Variants in NIPBL observed in about 807,000 individuals in gnomAD.
NIPBL encodes the protein nipped-B-like protein.
A neutral mutation model predicts 321.8 loss-of-function variants in NIPBL; 19 were observed. That is an observed-to-expected ratio of 0.06 (90% CI 0.04 to 0.09). The LOEUF is 0.09. Ranked by LOEUF, NIPBL falls within the 10% of genes least tolerant of loss-of-function variation. The probability of loss-of-function intolerance (pLI) is 1.00; values close to 1 mark genes in which losing one functional copy is unlikely to be tolerated. For missense variants in NIPBL, 2,210 were observed against 3,327.0 expected, an observed-to-expected ratio of 0.66 and a Z score of 8.26; for synonymous variants, 1,106 against 1,114.1, an observed-to-expected ratio of 0.99 and a Z score of 0.14.
intron 32 of NIPBL, among the ~76,000 whole-genome samples, chr5:37,034,692 T>G (rs1336100561): frequency 6.6e-6 from 1 of 152,158 alleles, no homozygotes; most frequent in East Asian, 1.9e-4. Flanking sequence ...CAGCTTATAC[T>G]TTTTTTAAAA....
chr5:37,051,598 C>A, intron 40 of NIPBL, 181 bp from the exon 41 acceptor site: 1 of 609,614 alleles, frequency 1.6e-6, no homozygotes, highest in East Asian at 2.8e-5. Context: ...CCAGTGCTTT[C>A]TGGATTTAAG....
At chr5:36,919,925 C>A (rs1748796432) in intron 1 of NIPBL, among the ~76,000 whole-genome samples, 1 of 151,934 alleles carries the variant, frequency 6.6e-6, no homozygotes, top group South Asian at 2.1e-4. Flanking sequence ...ATCTTTTAAA[C>A]TTGTTGTCAG....
intron 36 of NIPBL, 50 bp downstream of exon 36, chr5:37,044,779 G>C (rs1238032633): frequency 3.1e-6 from 4 of 1,294,410 alleles, no homozygotes; most frequent in Admixed American, 1.7e-5. Context: ...TCCTGCAGGG[G>C]GTCAGCTCAT....
chr5:37,038,877 A>C, intron 34 of NIPBL, 139 bp downstream of exon 34: 1 of 930,728 alleles, frequency 1.1e-6, no homozygotes, highest in Non-Finnish European at 1.6e-6. Context: ...ATTTGTAGCA[A>C]GTGATCTATA....
At chr5:37,000,745 A>C in intron 12 of NIPBL, 72 bp from the exon 13 acceptor site, 1 of 1,416,632 alleles carries the variant, frequency 7.1e-7, no homozygotes, top group Non-Finnish European at 9.9e-7. Context: ...TCAGGAAAAA[A>C]ACTAGAAACA....
intron 1 of NIPBL, among the ~76,000 whole-genome samples, chr5:36,939,899 T>G (rs1221416752): frequency 6.6e-6 from 1 of 152,160 alleles, no homozygotes; most frequent in Non-Finnish European, 1.5e-5. Flanking sequence ...GTCCCATCTC[T>G]CAACACTGTT....
At chr5:36,962,073 C>T (rs1741687953) in intron 5 of NIPBL, 50 bp from the exon 6 acceptor site, 5 of 1,592,992 alleles carry the variant, frequency 3.1e-6, no homozygotes, top group South Asian at 1.1e-5. Flanking sequence ...CAAGGAATAG[C>T]GTGTTTATTT....
At chr5:37,042,967 GGATA>G (rs1286527452) in intron 34 of NIPBL, among the ~76,000 whole-genome samples, 1 of 151,858 alleles carries the variant, frequency 6.6e-6, no homozygotes, top group Non-Finnish European at 1.5e-5. Flanking sequence ...GGTGGCTGGA[GGATA>G]GATAGAAACA....
intron 1 of NIPBL, among the ~76,000 whole-genome samples, chr5:36,904,284 C>T (rs1441513587): frequency 6.6e-6 from 1 of 152,216 alleles, no homozygotes; most frequent in Non-Finnish European, 1.5e-5. Flanking sequence ...GCCTGGCCAA[C>T]GTGGTGAAAC....
At chr5:36,964,336 C>G (rs1200992758) in intron 6 of NIPBL, among the ~76,000 whole-genome samples, 12 of 152,008 alleles carry the variant, frequency 7.9e-5, no homozygotes, top group Admixed American at 5.2e-4. Flanking sequence ...ATCACACTAC[C>G]TGACTTAAAA....
At chr5:37,055,797 G>C (rs1754025242) in intron 42 of NIPBL, among the ~76,000 whole-genome samples, 1 of 152,058 alleles carries the variant, frequency 6.6e-6, no homozygotes, top group Non-Finnish European at 1.5e-5. Context: ...CTTGAGCCCA[G>C]GAGTTCCATA....
Position 37,065,226 on chromosome 5 carries a change from G to T in NIPBL, c.*334G>T. The stretch of plus-strand genomic sequence containing the variant: ...TAATGTTCTTAATAAAGTGTTCTTG[G>T]AGTTTAACCTAGCAGCGGATGGCTT... On this transcript the variant is annotated 3_prime_UTR_variant, in exon 47 of 47. Coordinates refer to ENST00000282516, the MANE Select transcript of NIPBL (RefSeq NM_133433.4). The T allele has an allele frequency of 3.4e-6, 1 of 297,936 alleles. No homozygotes were observed. The highest frequency in any genetic ancestry group is 6.4e-6 in the Non-Finnish European group (1 of 156,336). 18.5% of individuals were successfully genotyped at this position (297,936 alleles called of 1,614,324 possible).
chr5:36,920,776 A>T (rs750618998), intron 1 of NIPBL, among the ~76,000 whole-genome samples: 18 of 151,418 alleles, frequency 1.2e-4, no homozygotes, highest in Non-Finnish European at 2.1e-4. Context: ...TTTATGTGGC[A>T]TCTTTAACCT....
chr5:36,999,941 CTT>C (rs1561136893), intron 11 of NIPBL, among the ~76,000 whole-genome samples: 1 of 152,146 alleles, frequency 6.6e-6, no homozygotes, highest in Non-Finnish European at 1.5e-5. Flanking sequence ...CAAAAGTTGA[CTT>C]TTCCTCCAAA....
At chr5:37,041,252 GTTT>G (rs1163179336) in intron 34 of NIPBL, among the ~76,000 whole-genome samples, 1 of 64,004 alleles carries the variant, frequency 1.6e-5, no homozygotes, top group South Asian at 4.9e-4. Context: ...TTATGTGGTG[GTTT>G]TTTTTTTTTT....
chr5:36,921,101 G>T (rs138594537), intron 1 of NIPBL, among the ~76,000 whole-genome samples: 3,729 of 150,526 alleles, frequency 0.025, 73 homozygotes, highest in Non-Finnish European at 0.035. Flanking sequence ...ATTTTTAAGC[G>T]TCTCCCCATT....
chr5:36,954,867 C>T (rs1740766527), intron 2 of NIPBL: 1 of 152,718 alleles, frequency 6.5e-6, no homozygotes, highest in African/African-American at 2.4e-5. Flanking sequence ...GATTAAACGG[C>T]TGAATTTAAG....
intron 1 of NIPBL, among the ~76,000 whole-genome samples, chr5:36,892,658 A>C (rs1310225821): frequency 6.6e-6 from 1 of 152,136 alleles, no homozygotes; most frequent in African/African-American, 2.4e-5. Flanking sequence ...TGAAGCTGGA[A>C]ACCATCATTC....
At chr5:36,942,653 A>G (rs1053496202) in intron 1 of NIPBL, among the ~76,000 whole-genome samples, 1 of 150,892 alleles carries the variant, frequency 6.6e-6, no homozygotes, top group Admixed American at 6.6e-5. Flanking sequence ...AGGCACGAGA[A>G]TCACATGAAC....
Sources: allele counts gnomAD v4.1 joint callset (sites outside exome capture counted in the v4.1 genomes callset), GRCh38; gene constraint gnomAD v4.1.1; transcripts MANE v1.5; gene names NCBI Gene and HGNC (gene_info 2026-07-23, HGNC 2026-07-21).